The following PCSK9 variants were observed in gnomAD, a reference collection of about 807,000 sequenced individuals.
The protein encoded by PCSK9 is convertase subtilisin/kexin type 9 preproprotein.
In PCSK9, 57 loss-of-function variants were observed where a neutral mutation model predicts 62.1. The observed-to-expected ratio is 0.92, with a 90% CI of 0.74 to 1.14. The LOEUF (loss-of-function observed/expected upper bound fraction) is 1.14. PCSK9 is among the 50% of genes most tolerant of loss of function. PCSK9 has a pLI of 0.00. For missense variants in PCSK9, 870 were observed against 959.8 expected (o/e 0.91, Z 1.24); for synonymous variants, 387 against 409.4 (o/e 0.95, Z 0.66).
At chr1:55,041,112 A>T (rs1176582011) in intron 1 of PCSK9, among the ~76,000 whole-genome samples, 1 of 152,166 alleles carries the variant, frequency 6.6e-6, no homozygotes, top group East Asian at 1.9e-4. Flanking sequence ...AGATGGGGAG[A>T]TGAAGGGAAA....
intron 3 of PCSK9, among the ~76,000 whole-genome samples, chr1:55,047,322 G>A (rs2495478): frequency 0.12 from 18,470 of 152,174 alleles, 1,949 homozygotes; most frequent in African/African-American, 0.29. Context: ...GGTTCTAGTT[G>A]GACTGTGTTA....
intron 10 of PCSK9, 76 bp downstream of exon 10, chr1:55,059,739 C>A: frequency 1.3e-6 from 2 of 1,502,748 alleles, no homozygotes; most frequent in Non-Finnish European, 1.8e-6. Flanking sequence ...GAGGCTTGGT[C>A]CTCACAAGTG....
At chr1:55,045,109 A>G (rs978806925) in intron 2 of PCSK9, among the ~76,000 whole-genome samples, 2 of 151,966 alleles carry the variant, frequency 1.3e-5, no homozygotes, top group African/African-American at 4.8e-5. Flanking sequence ...ACAGTTGACT[A>G]TGGGACAATG....
chr1:55,057,527 C>G lies in PCSK9; in HGVS notation c.1180+13C>G. On this transcript the variant is annotated intron_variant, in intron 7 of 11. Transcript: ENST00000302118. ...GCCCACGTGGCTGGTAAGTCACCAC[C>G]CCACTGCCTCGGCCACCGTGATGCT... is the stretch of plus-strand genomic sequence containing the variant. The G allele has an allele frequency of 6.2e-7, 1 of 1,603,138 alleles. No homozygotes were observed. The highest frequency in any genetic ancestry group is 2.3e-5 in the East Asian group (1 of 44,280).
chr1:55,044,359 G>A (rs184303022), intron 2 of PCSK9, among the ~76,000 whole-genome samples: 125 of 152,294 alleles, frequency 8.2e-4, no homozygotes, highest in Middle Eastern at 6.8e-3. Context: ...CAATGCATCT[G>A]CTGCCTACGG....
intron 11 of PCSK9, 99 bp from the exon 12 acceptor site, chr1:55,063,270 C>T: frequency 1.5e-6 from 2 of 1,336,392 alleles, no homozygotes; most frequent in Non-Finnish European, 2.1e-6. Context: ...GCCGTCTGCA[C>T]TTTGGCCTCA....
rs760064829 is a variant in PCSK9 at position 55,061,576 on chromosome 1, C to T, written c.1863+20C>T. 1.9e-5 allele frequency: 30 copies of T among 1,575,760 alleles called. No homozygotes were observed. The highest frequency in any genetic ancestry group is 1.7e-4 in the Admixed American group (9 of 54,184). On this transcript the variant is annotated intron_variant, in intron 11 of 11. Transcript: ENST00000302118. Reference sequence around the variant, plus strand: ...GAGCAGGTGAAGAGGCCCGTGAGGCCGGGTGGGTGGGGTGCTGCGTGTCTC... The same window carrying T: ...GAGCAGGTGAAGAGGCCCGTGAGGCTGGGTGGGTGGGGTGCTGCGTGTCTC...
chr1:55,045,858 T>C (rs1644630436), intron 2 of PCSK9, among the ~76,000 whole-genome samples: 1 of 152,074 alleles, frequency 6.6e-6, no homozygotes, highest in Non-Finnish European at 1.5e-5. Context: ...TACAGGTGTG[T>C]GCCACCATGC....
chr1:55,060,233 C>T (rs774194697), intron 10 of PCSK9, among the ~76,000 whole-genome samples: 1 of 152,206 alleles, frequency 6.6e-6, no homozygotes, highest in African/African-American at 2.4e-5. Context: ...TACCCTGTGT[C>T]GAAAACATGC....
Position 55,040,196 on chromosome 1 carries a change from A to T in PCSK9, c.207+152A>T. On this transcript the variant is annotated intron_variant, in intron 1 of 11. Transcript: ENST00000302118. The surrounding 1 kb of genome is among the most constrained non-coding windows in gnomAD (Gnocchi z 4.1). ...CGCTTGGCACGATCTTGGGGACTGC[A>T]GGCAAGGCGGCGGGGGAGGACGGGT... 1 of 1,111,796 alleles carries T rather than the reference A, an allele frequency of 9.0e-7. No homozygotes were observed. The highest frequency in any genetic ancestry group is 1.3e-6 in the Non-Finnish European group (1 of 784,802). 68.9% of individuals were successfully genotyped at this position (1,111,796 alleles called of 1,614,324 possible).
rs2100311215 is a variant in PCSK9, at chr1:55,055,982, G to C, written c.800-11G>C. On this transcript the variant is annotated splice_polypyrimidine_tract_variant and intron_variant, in intron 5 of 11. Transcript: ENST00000302118. Reference sequence around the variant, plus strand: ...CTCCCCAAGGGGTGACCTTGGCTTTGTTCCTCCCAGGCCTGGAGTTTATTC... The same window carrying C: ...CTCCCCAAGGGGTGACCTTGGCTTTCTTCCTCCCAGGCCTGGAGTTTATTC... The C allele has an allele frequency of 6.2e-7, 1 of 1,604,136 alleles. No homozygotes were observed. The highest frequency in any genetic ancestry group is 2.3e-5 in the East Asian group (1 of 44,288).
At position 55,056,205 on chromosome 1, in the gene PCSK9, G is replaced by C. The variant is rs1644713063; in HGVS notation, c.996+16G>C. The C allele has an allele frequency of 7.4e-7, 1 of 1,353,896 alleles. No individual in the cohort carries two copies. The highest frequency in any genetic ancestry group is 9.6e-7 in the Non-Finnish European group (1 of 1,041,722). 83.9% of individuals were successfully genotyped at this position (1,353,896 alleles called of 1,614,324 possible). The stretch of plus-strand genomic sequence containing the variant: ...AGCTCCCGAGGTAGGTGCTGGGGCT[G>C]CTGCCCCAAGGCGCGGGTAGGGGGC... On this transcript the variant is annotated intron_variant, in intron 6 of 11. Transcript: ENST00000302118.
intron 3 of PCSK9, among the ~76,000 whole-genome samples, chr1:55,050,447 T>G (rs534398243): frequency 2.0e-5 from 3 of 152,162 alleles, no homozygotes; most frequent in Non-Finnish European, 4.4e-5. Flanking sequence ...GGGCACATGG[T>G]AGATGCCTAT....
rs1399569698 is a variant in PCSK9 at position 55,056,195 on chromosome 1, T to G, written c.996+6T>G. On this transcript the variant is annotated splice_donor_region_variant and intron_variant, in intron 6 of 11. Coordinates refer to ENST00000302118, the MANE Select transcript of PCSK9 (RefSeq NM_174936.4). ...CCCCAGCCTCAGCTCCCGAGGTAGG[T>G]GCTGGGGCTGCTGCCCCAAGGCGCG... 1.7e-5 allele frequency: 19 copies of G among 1,133,250 alleles called. No homozygotes were observed. The highest frequency in any genetic ancestry group is 2.1e-5 in the African/African-American group (1 of 48,642). 70.2% of individuals were successfully genotyped at this position (1,133,250 alleles called of 1,614,324 possible). A position where few individuals can be genotyped will look rare whatever the true frequency, so the allele number is the denominator to read the frequency against.
At chr1:55,057,110 G>A (rs531249213) in intron 6 of PCSK9, among the ~76,000 whole-genome samples, 1 of 152,326 alleles carries the variant, frequency 6.6e-6, no homozygotes, top group East Asian at 1.9e-4. Flanking sequence ...GGGGCATTGG[G>A]AATGCTGCCT....
Position 55,063,571 on chromosome 1 carries a change from A to G in PCSK9, c.2066A>G (p.Gln689Arg). The change falls in exon 12 of 12, where the codon CAG becomes CGG. Residue 689 changes from glutamine (Q) to arginine (R), a missense_variant. Transcript: ENST00000302118. ...AGCCGGCACCTGGCGCAGGCCTCCC[A>G]GGAGCTCCAGTGACAGCCCCATCCC... ...CRSRHLAQAS[Q>R]ELQ 1 of 1,611,968 alleles carries G rather than the reference A, an allele frequency of 6.2e-7. No homozygotes were observed. The highest frequency in any genetic ancestry group is 8.5e-7 in the Non-Finnish European group (1 of 1,179,764).
In PCSK9 at chr1:55,052,806, C is replaced by T. The variant is rs1370358949; in HGVS notation, c.799+15C>T. 6 of 1,612,956 alleles carry T rather than the reference C, an allele frequency of 3.7e-6. No homozygotes were observed. Among genetic ancestry groups the T allele is most frequent in the Non-Finnish European group, 3.4e-6 (4 of 1,179,918 alleles). On this transcript the variant is annotated intron_variant, in intron 5 of 11. Coordinates refer to ENST00000302118, the MANE Select transcript of PCSK9 (RefSeq NM_174936.4). ...CACCCTCATAGGTAAGTGATGGCCC[C>T]AGACGCTGGTCTCTCTCCATCTGGA...
At chr1:55,061,312 G>T in intron 10 of PCSK9, 63 bp from the exon 11 acceptor site, 1 of 1,522,270 alleles carries the variant, frequency 6.6e-7, no homozygotes, top group African/African-American at 1.4e-5. Flanking sequence ...GTCTGATGGG[G>T]ATGGGCACTG....
chr1:55,050,349 C>T (rs1256056705), intron 3 of PCSK9, among the ~76,000 whole-genome samples: 1 of 152,220 alleles, frequency 6.6e-6, no homozygotes, highest in East Asian at 1.9e-4. Flanking sequence ...CTAGTGGTTC[C>T]TCTAGGGTGG....
Sources: allele counts gnomAD v4.1 joint callset (sites outside exome capture counted in the v4.1 genomes callset), GRCh38; gene constraint gnomAD v4.1.1; non-coding constraint Gnocchi (gnomAD v3.1); transcripts MANE v1.5; gene names NCBI Gene and HGNC (gene_info 2026-07-23, HGNC 2026-07-21).